IPMK: variants seen among roughly 807,000 people sequenced by gnomAD.
The protein encoded by IPMK is inositol polyphosphate multikinase.
In IPMK, 17 loss-of-function variants were observed where a neutral mutation model predicts 45.8. The ratio of observed to expected loss-of-function variants is 0.37; its 90% CI spans 0.25 to 0.56. IPMK has a LOEUF of 0.56. IPMK is among the 20% of genes least tolerant of loss of function. The probability of loss-of-function intolerance (pLI) is 0.79; values close to 1 mark genes in which losing one functional copy is unlikely to be tolerated. For synonymous variants in IPMK, 180 were observed against 184.3 expected (o/e 0.98, Z 0.19); for missense variants, 399 against 498.0 (o/e 0.80, Z 1.89).
At chr10:58,212,448 T>A (rs1435441255) in intron 4 of IPMK, 2 of 168,578 alleles carry the variant, frequency 1.2e-5, no homozygotes, top group East Asian at 3.7e-4. Flanking sequence ...CAGTACCATT[T>A]GTCTTAAGAC....
chr10:58,192,237 T>C lies in IPMK; in HGVS notation c.*3839A>G, dbSNP rs1263921753. On this transcript the variant is annotated 3_prime_UTR_variant, in exon 6 of 6. Coordinates refer to ENST00000373935, the MANE Select transcript of IPMK (RefSeq NM_152230.5). The stretch of plus-strand genomic sequence containing the variant: ...TTCATTGCCAAATTTAAAATACCAG[T>C]GATGTTAAGATTGAGGCCTAAAACT... 5.3e-5 allele frequency: 8 copies of C among 151,938 alleles called. No individual in the cohort carries two copies. Among genetic ancestry groups the C allele is most frequent in the Non-Finnish European group, 1.2e-4 (8 of 67,882 alleles). 9.4% of individuals were successfully genotyped at this position (151,938 alleles called of 1,614,324 possible). A position where few individuals can be genotyped will look rare whatever the true frequency, so the allele number is the denominator to read the frequency against.
At position 58,211,915 on chromosome 10, in the gene IPMK, A is replaced by AT. The variant is rs1372175996; in HGVS notation, c.546+4229_546+4230insA. Among the ~76,000 whole-genome samples the AT allele has an allele frequency of 5.0e-4, 75 of 151,136 alleles. 1 individual carries two copies. The highest frequency in any genetic ancestry group is 1.8e-3 in the African/African-American group (75 of 40,974). On this transcript the variant is annotated intron_variant, in intron 4 of 5. Coordinates refer to ENST00000373935, the MANE Select transcript of IPMK (RefSeq NM_152230.5). Reference sequence around the variant, plus strand: ...TGACATCTCACCAAAAAAAAAAAAAAAAAAAAAAAATTTGTTTTCATTGTT... The same window carrying AT: ...TGACATCTCACCAAAAAAAAAAAAAATAAAAAAAAAATTTGTTTTCATTGTT...
chr10:58,232,660 C>G (rs1173687694), intron 2 of IPMK, among the ~76,000 whole-genome samples: 1 of 152,194 alleles, frequency 6.6e-6, no homozygotes, highest in Non-Finnish European at 1.5e-5. Context: ...ATACAAGAAT[C>G]TCTGGGACAC....
chr10:58,264,787 G>C (rs191399790), intron 1 of IPMK, among the ~76,000 whole-genome samples: 3 of 152,096 alleles, frequency 2.0e-5, no homozygotes, highest in African/African-American at 7.2e-5. Flanking sequence ...AAAGTATACC[G>C]TAAGTGCAAA....
chr10:58,232,654 A>G (rs1021784668), intron 2 of IPMK, among the ~76,000 whole-genome samples: 1 of 152,296 alleles, frequency 6.6e-6, no homozygotes, highest in East Asian at 1.9e-4. Context: ...CACAACATAC[A>G]AGAATCTCTG....
In IPMK at chr10:58,209,675, A is replaced by T. The variant is rs530013577; in HGVS notation, c.546+6470T>A. Among the ~76,000 whole-genome samples, 3 of 152,314 alleles carry T rather than the reference A, an allele frequency of 2.0e-5. No individual in the cohort carries two copies. The South Asian group carries it at 6.2e-4, about 32-fold the overall frequency. On this transcript the variant is annotated intron_variant, in intron 4 of 5. Transcript: ENST00000373935. ...GCAGGGGAGTGAGGTAGACTCTGTGAGAATCCTTCATCGTAGGTAGGTTTA... is the reference window on the plus strand; with the variant it reads ...GCAGGGGAGTGAGGTAGACTCTGTGTGAATCCTTCATCGTAGGTAGGTTTA...
At chr10:58,262,085 G>T (rs571061473) in intron 1 of IPMK, among the ~76,000 whole-genome samples, 18 of 152,188 alleles carry the variant, frequency 1.2e-4, no homozygotes, top group African/African-American at 4.1e-4. Context: ...ACACACCGGG[G>T]CCTGTCGTGG....
intron 1 of IPMK, among the ~76,000 whole-genome samples, chr10:58,265,845 T>C (rs567210787): frequency 6.6e-6 from 1 of 152,344 alleles, no homozygotes; most frequent in East Asian, 1.9e-4. Flanking sequence ...GTTACACTCT[T>C]AAGTGACAAT....
chr10:58,253,832 C>G (rs530085679), intron 1 of IPMK, among the ~76,000 whole-genome samples: 10 of 152,138 alleles, frequency 6.6e-5, no homozygotes, highest in African/African-American at 1.9e-4. Context: ...TCTCTCCCTC[C>G]CTCCCTTCCT....
chr10:58,244,375 T>C (rs1407607105), intron 1 of IPMK, among the ~76,000 whole-genome samples: 4 of 73,076 alleles, frequency 5.5e-5, no homozygotes, highest in Non-Finnish European at 1.0e-4. Context: ...AAGTGGGGGG[T>C]GCCTCTGCCC....
chr10:58,218,003 T>A (rs1473483907), intron 3 of IPMK, among the ~76,000 whole-genome samples: 2 of 152,124 alleles, frequency 1.3e-5, no homozygotes, highest in African/African-American at 4.8e-5. Flanking sequence ...TTGAAAAATT[T>A]TTAAGCCCCT....
intron 1 of IPMK, among the ~76,000 whole-genome samples, chr10:58,238,432 G>C (rs892459827): frequency 2.0e-5 from 3 of 152,174 alleles, no homozygotes; most frequent in Admixed American, 1.3e-4. Context: ...CAAAGAGGGA[G>C]ACTTTTTATG....
chr10:58,215,050 C>A (rs553549286), intron 4 of IPMK, among the ~76,000 whole-genome samples: 1 of 152,266 alleles, frequency 6.6e-6, no homozygotes, highest in Non-Finnish European at 1.5e-5. Context: ...AGTTTAAGAA[C>A]CCTTATATTC....
chr10:58,230,499 G>A lies in IPMK; in HGVS notation c.277-3360C>T, dbSNP rs189678077. On this transcript the variant is annotated intron_variant, in intron 2 of 5. Transcript: ENST00000373935. ...TATTTGCTGTTCTGCAACATTTGCT[G>A]TTCTGCAGCCTCCACTGGTGATAAC... Among the ~76,000 whole-genome samples the A allele has an allele frequency of 1.8e-3, 272 of 152,322 alleles. 1 individual carries two copies. The highest frequency in any genetic ancestry group is 0.01 in the Middle Eastern group (3 of 294).
At chr10:58,229,526 G>A (rs1413074546) in intron 2 of IPMK, among the ~76,000 whole-genome samples, 1 of 130,718 alleles carries the variant, frequency 7.7e-6, no homozygotes, top group East Asian at 2.3e-4. Context: ...CTGCGCCACT[G>A]CACTCCAGCC....
intron 2 of IPMK, among the ~76,000 whole-genome samples, chr10:58,230,657 A>C (rs1374348083): frequency 1.3e-5 from 2 of 152,214 alleles, no homozygotes; most frequent in East Asian, 3.9e-4. Flanking sequence ...TCTACACCAA[A>C]ATCCCATCTG....
chr10:58,243,454 C>T (rs546436837), intron 1 of IPMK, among the ~76,000 whole-genome samples: 7 of 152,352 alleles, frequency 4.6e-5, no homozygotes, highest in Admixed American at 6.5e-5. Context: ...GCTGCAACCT[C>T]GCTGCCTCGG....
chr10:58,204,286 C>T (rs1838039977), intron 4 of IPMK, among the ~76,000 whole-genome samples: 2 of 151,698 alleles, frequency 1.3e-5, no homozygotes, highest in South Asian at 4.2e-4. Context: ...AAATACGTAA[C>T]AAAAAAGTAT....
rs1037278146 is a variant in IPMK at position 58,193,741 on chromosome 10, C to A, written c.*2335G>T. 6 of 151,676 alleles carry A rather than the reference C, an allele frequency of 4.0e-5. No homozygotes were observed. The highest frequency in any genetic ancestry group is 1.3e-4 in the Admixed American group (2 of 15,232). The allele number at this position is 151,676 out of a possible 1,614,324, so 9.4% of individuals were successfully genotyped here. The stretch of plus-strand genomic sequence containing the variant: ...AACTATATCCGCATTATGCTTATTT[C>A]TTAAGCATTTACATGTTCAAATATA... On this transcript the variant is annotated 3_prime_UTR_variant, in exon 6 of 6. Coordinates refer to ENST00000373935, the MANE Select transcript of IPMK (RefSeq NM_152230.5).
Sources: allele counts gnomAD v4.1 joint callset (sites outside exome capture counted in the v4.1 genomes callset), GRCh38; gene constraint gnomAD v4.1.1; transcripts MANE v1.5; gene names NCBI Gene and HGNC (gene_info 2026-07-23, HGNC 2026-07-21).